The following ABCG5 variants were observed in gnomAD, a reference collection of about 807,000 sequenced individuals.
ABCG5 encodes the protein ATP-binding cassette sub-family G member 5.
Under a neutral mutation model 64.5 loss-of-function variants are expected in ABCG5, and 64 were observed. That is an observed-to-expected ratio of 0.99 (90% confidence interval 0.81 to 1.22). The LOEUF is 1.22. ABCG5 is among the 50% of genes most tolerant of loss of function. ABCG5 has a pLI of 0.00. For synonymous variants in ABCG5, 385 were observed against 326.3 expected (o/e 1.18, Z -1.94); for missense variants, 908 against 829.5 (o/e 1.09, Z -1.16).
rs1024805418 is a variant in ABCG5, at chr2:43,838,781, C to T, written c.-102G>A. ...TGGCAGACTGCCCTGCCTGCTCCAC[C>T]TGACCCCGGAGTCCCTTGGGACAGC... is the stretch of plus-strand genomic sequence containing the variant. On this transcript the variant is annotated 5_prime_UTR_variant, in exon 1 of 13. Transcript: ENST00000405322. This position sits in a 1 kb window ranked among gnomAD's most constrained non-coding sequence, Gnocchi z 4.2. The T allele has an allele frequency of 3.2e-6, 5 of 1,556,954 alleles. No homozygotes were observed. The South Asian group carries it at 5.9e-5, about 19-fold the overall frequency.
At chr2:43,816,593 G>C (rs1666847310) in intron 11 of ABCG5, among the ~76,000 whole-genome samples, 1 of 152,134 alleles carries the variant, frequency 6.6e-6, no homozygotes, top group Non-Finnish European at 1.5e-5. Context: ...ACCTAGGCTG[G>C]AGTGCAGTGG....
rs1481812509 is a variant in ABCG5 at position 43,824,862 on chromosome 2, G to A, written c.904+27C>T. 2.5e-6 allele frequency: 4 copies of A among 1,612,658 alleles called. No homozygotes were observed. In the African/African-American group the frequency reaches 5.3e-5, roughly 22 times the overall value. On this transcript the variant is annotated intron_variant, in intron 7 of 12. Coordinates refer to ENST00000405322, the MANE Select transcript of ABCG5 (RefSeq NM_022436.3). ...ATGAGAAAGTTTAAAAAACATTCAT[G>A]ATGGGGAATGTGAAAGAAAAACTTA...
At chr2:43,817,692 C>T (rs1031916491) in intron 11 of ABCG5, among the ~76,000 whole-genome samples, 10 of 151,694 alleles carry the variant, frequency 6.6e-5, no homozygotes, top group African/African-American at 2.2e-4. Flanking sequence ...GGCAGATCAC[C>T]TGAGGTCAGG....
chr2:43,808,532 T>C (rs1006630056), downstream of ABCG5, among the ~76,000 whole-genome samples: 2 of 152,202 alleles, frequency 1.3e-5, no homozygotes, highest in African/African-American at 2.4e-5. Context: ...TTGAACAACA[T>C]GTAGGAGGCC....
At chr2:43,808,140 C>T (rs930753893), downstream of ABCG5, among the ~76,000 whole-genome samples, 3 of 151,980 alleles carry the variant, frequency 2.0e-5, no homozygotes, top group Non-Finnish European at 4.4e-5. Flanking sequence ...ATCTTTAAAA[C>T]CGCAAGTGGT....
At position 43,838,549 on chromosome 2, in the gene ABCG5, G is replaced by A. The variant is rs557687545; in HGVS notation, c.131C>T (p.Ser44Phe). ...EPHSLGILHA[S>F]YSVSHRVRPW... Reference sequence around the variant, plus strand: ...GGCTCTGCCTTACCTGACGCTGTAGGAGGCATGGAGGATGCCCAGGCTGTG... The same window carrying A: ...GGCTCTGCCTTACCTGACGCTGTAGAAGGCATGGAGGATGCCCAGGCTGTG... The change falls in exon 1 of 13, where the codon TCC becomes TTC. Residue 44 changes from serine to phenylalanine, a missense_variant. By Grantham distance (155) the Ser-to-Phe change is radical. Transcript: ENST00000405322. The surrounding 1 kb of genome is among the most constrained non-coding windows in gnomAD (Gnocchi z 4.2). The A allele has an allele frequency of 6.2e-7, 1 of 1,605,852 alleles. No individual in the cohort carries two copies. The highest frequency in any genetic ancestry group is 1.7e-5 in the Admixed American group (1 of 58,970).
intron 11 of ABCG5, among the ~76,000 whole-genome samples, chr2:43,816,907 A>G (rs1232586876): frequency 2.6e-5 from 4 of 152,204 alleles, no homozygotes; most frequent in African/African-American, 2.4e-5. Context: ...TCTTCCCCCA[A>G]GAACTTGCAT....
At chr2:43,821,676 GGC>G (rs936962795) in intron 10 of ABCG5, among the ~76,000 whole-genome samples, 2 of 152,030 alleles carry the variant, frequency 1.3e-5, no homozygotes, top group Non-Finnish European at 2.9e-5. Context: ...TGCCTCAGCT[GGC>G]CCCTGGACCC....
intron 6 of ABCG5, 110 bp from the exon 7 acceptor site, chr2:43,825,128 C>A: frequency 7.4e-7 from 1 of 1,343,324 alleles, no homozygotes. Flanking sequence ...CTTATGGTCA[C>A]CAAGTCCTTA....
rs1192892453 is a variant in ABCG5 at position 43,824,304 on chromosome 2, T to G, written c.1033A>C (p.Met345Leu). The change falls in exon 8 of 13, where the codon ATG (methionine) becomes CTG (leucine). Residue 345 changes from methionine to leucine, a missense_variant. Physicochemically the swap from Met to Leu is conservative, Grantham distance 15 (BLOSUM62 2). Coordinates refer to ENST00000405322, the MANE Select transcript of ABCG5 (RefSeq NM_022436.3). ...CHKTLKNIER[M>L]KHLKTLPMVP... ...ATTGGTAACGTTTTCAGGTGTTTCA[T>G]TCTTTCAATATTCTTCAAAGTTTTA... is the stretch of plus-strand genomic sequence containing the variant. 3.1e-6 allele frequency: 5 copies of G among 1,614,132 alleles called. No individual in the cohort carries two copies. Among genetic ancestry groups the G allele is most frequent in the Admixed American group, 1.7e-5 (1 of 60,006 alleles).
At chr2:43,810,398 T>C (rs973216090), downstream of ABCG5, 24 of 985,212 alleles carry the variant, frequency 2.4e-5, no homozygotes, top group Non-Finnish European at 2.7e-5. Context: ...TAAGGAGATA[T>C]CCTATCAAGA....
At chr2:43,824,526 C>A in intron 7 of ABCG5, 94 bp from the exon 8 acceptor site, 2 of 1,594,170 alleles carry the variant, frequency 1.3e-6, no homozygotes, top group Non-Finnish European at 8.5e-7. Context: ...GGCCATAATA[C>A]CTCATCCCAT....
rs960030622 is a variant in ABCG5, at chr2:43,823,006, T to C, written c.1325-71A>G. 6.9e-6 allele frequency: 11 copies of C among 1,587,024 alleles called. No homozygotes were observed. In the Admixed American group the frequency reaches 1.9e-4, roughly 28 times the overall value. ...TGAAAAAGGGAGGGCTAGCCCAAGC[T>C]GAATGTGAGGTCTGTCAGGGCTGGA... On this transcript the variant is annotated intron_variant, in intron 9 of 12. Transcript: ENST00000405322.
chr2:43,831,829 C>T lies in ABCG5; in HGVS notation c.441G>A (p.Thr147=). 2 of 1,585,380 alleles carry T rather than the reference C, an allele frequency of 1.3e-6. No individual in the cohort carries two copies. Among genetic ancestry groups the T allele is most frequent in the East Asian group, 2.3e-5 (1 of 43,716 alleles). The change falls in exon 4 of 13, where the codon ACG becomes ACA. Residue 147 remains threonine (T), a synonymous_variant. Coordinates refer to ENST00000405322, the MANE Select transcript of ABCG5 (RefSeq NM_022436.3). ...TLLSSLTVRE[T]LHYTALLAIR... ...TGGCCAGCAGCGCGGTGTAGTGCAG[C>T]GTCTCGCGCACGGTGAGGCTGCTCA... is the stretch of plus-strand genomic sequence containing the variant.
chr2:43,806,475 A>G, the ABCG5 span, among the ~76,000 whole-genome samples: 2 of 152,188 alleles, frequency 1.3e-5, no homozygotes, highest in South Asian at 4.1e-4. Context: ...AAAATATGCC[A>G]TGAATATTTA....
At position 43,837,844 on chromosome 2, in the gene ABCG5, T is replaced by C; in HGVS notation, c.255A>G (p.Leu85=). The stretch of plus-strand genomic sequence containing the variant: ...CCTTCCCAAGCTTACCTGAGCTTCC[T>C]AGGATGCACATGATCTGCCCGCTCT... ...YVESGQIMCI[L]GSSGSGKTTL... The change falls in exon 2 of 13, where the codon CTA becomes CTG. Residue 85 remains leucine, a synonymous_variant. Coordinates refer to ENST00000405322, the MANE Select transcript of ABCG5 (RefSeq NM_022436.3). 3 of 1,613,858 alleles carry C rather than the reference T, an allele frequency of 1.9e-6. No homozygotes were observed. The highest frequency in any genetic ancestry group is 2.5e-6 in the Non-Finnish European group (3 of 1,179,858).
In ABCG5 at chr2:43,822,847, G is replaced by A; in HGVS notation, c.1413C>T (p.Val471=). 2 of 1,614,154 alleles carry A rather than the reference G, an allele frequency of 1.2e-6. No individual in the cohort carries two copies. Among genetic ancestry groups the A allele is most frequent in the Non-Finnish European group, 8.5e-7 (1 of 1,180,032 alleles). The stretch of plus-strand genomic sequence containing the variant: ...TGGTGGCAACAACGCTGAAGGGGAG[G>A]ACGTGCAGTGCATAGGCCAGCATCA... ...WQMMLAYALH[V]LPFSVVATMI... is the part of the protein sequence containing the mutation. Residue 471 remains valine, a synonymous_variant, in exon 10 of 13, where the codon GTC becomes GTT. Transcript: ENST00000405322.
chr2:43,813,194 A>G lies in ABCG5; in HGVS notation c.1878T>C (p.Ile626=), dbSNP rs768890956. 4.4e-6 allele frequency: 7 copies of G among 1,598,542 alleles called. No homozygotes were observed. Among genetic ancestry groups the G allele is most frequent in the Non-Finnish European group, 5.1e-6 (6 of 1,166,018 alleles). The change falls in exon 13 of 13, where the codon ATT becomes ATC. Residue 626 remains isoleucine, a synonymous_variant. Transcript: ENST00000405322. ...CAAGAGCTGGAATAAATGAATACAAAATCAGAAAGTTCATTGTGAATCTAG... is the reference window on the plus strand; with the variant it reads ...CAAGAGCTGGAATAAATGAATACAAGATCAGAAAGTTCATTGTGAATCTAG... ...ATSRFTMNFL[I]LYSFIPALVI...
At chr2:43,832,412 T>G (rs1231642979) in intron 2 of ABCG5, 1 of 458,798 alleles carries the variant, frequency 2.2e-6, no homozygotes, top group African/African-American at 2.0e-5. Flanking sequence ...AACAAAATAC[T>G]TATAGGTATC....
Sources: allele counts gnomAD v4.1 joint callset (sites outside exome capture counted in the v4.1 genomes callset), GRCh38; gene constraint gnomAD v4.1.1; non-coding constraint Gnocchi (gnomAD v3.1); transcripts MANE v1.5; gene names NCBI Gene and HGNC (gene_info 2026-07-23, HGNC 2026-07-21).